Variants in IL16 observed in about 807,000 individuals in gnomAD.
IL16 encodes the protein interleukin 16.
A neutral mutation model predicts 110.1 loss-of-function variants in IL16; 67 were observed. That is an observed-to-expected ratio of 0.61 (90% CI 0.50 to 0.75). The LOEUF is 0.75. IL16 is among the 30% of genes least tolerant of loss of function. IL16 has a pLI of 0.00. For missense variants in IL16, 1,545 were observed against 1,655.0 expected (o/e 0.93, Z 1.15); for synonymous variants, 689 against 662.9 (o/e 1.04, Z -0.61).
At chr15:81,198,331 G>A (rs1895675112) in intron 1 of IL16, among the ~76,000 whole-genome samples, 1 of 152,036 alleles carries the variant, frequency 6.6e-6, no homozygotes, top group Non-Finnish European at 1.5e-5. Context: ...CGAGAGGTGA[G>A]GAGGCTTGCA....
rs1294611264 is a variant in IL16, at chr15:81,225,561, G to C, written c.162G>C (p.Glu54Asp). Residue 54 changes from glutamate (E) to aspartate (D), a missense_variant, in exon 2 of 19, where the codon GAG (glutamate) becomes GAC (aspartate). Coordinates refer to ENST00000683961, the MANE Select transcript of IL16 (RefSeq NM_172217.5). ...AGATTTCCTTGGCCCAGGGCAAGGA[G>C]GGAATTTTCCACTCATCTGTGCAGC... ...PFEISLAQGK[E>D]GIFHSSVQLA... The C allele has an allele frequency of 1.2e-6, 2 of 1,614,170 alleles. No homozygotes were observed. Among genetic ancestry groups the C allele is most frequent in the East Asian group, 4.5e-5 (2 of 44,884 alleles).
chr15:81,295,612 C>T (rs188360006), intron 12 of IL16: 7 of 738,940 alleles, frequency 9.5e-6, no homozygotes, highest in Non-Finnish European at 1.2e-5. Context: ...AATGCCATGA[C>T]TCAGCCTTAC....
intron 18 of IL16, 74 bp from the exon 19 acceptor site, chr15:81,308,531 G>C: frequency 9.1e-7 from 1 of 1,102,826 alleles, no homozygotes; most frequent in Non-Finnish European, 1.3e-6. Flanking sequence ...TGGCTCTTTG[G>C]AGATCAAGGA....
intron 1 of IL16, among the ~76,000 whole-genome samples, chr15:81,208,469 G>A (rs1309793518): frequency 6.6e-6 from 1 of 152,166 alleles, no homozygotes; most frequent in African/African-American, 2.4e-5. Context: ...TGGGATTACA[G>A]GTGCCCACCA....
chr15:81,218,466 G>T (rs775888290), intron 1 of IL16, among the ~76,000 whole-genome samples: 32 of 152,038 alleles, frequency 2.1e-4, no homozygotes, highest in Non-Finnish European at 1.9e-4. Flanking sequence ...ATTTCCACCA[G>T]ACATTTTAGA....
intron 12 of IL16, among the ~76,000 whole-genome samples, chr15:81,294,264 T>C (rs1000457842): frequency 6.6e-6 from 1 of 152,214 alleles, no homozygotes; most frequent in Non-Finnish European, 1.5e-5. Flanking sequence ...CAACACATGA[T>C]GGAGTTATCA....
chr15:81,273,329 G>T (rs1898734120), intron 6 of IL16, 125 bp downstream of exon 6: 3 of 610,086 alleles, frequency 4.9e-6, no homozygotes, highest in Non-Finnish European at 8.4e-6. Flanking sequence ...CGGCCAGCAT[G>T]CATCCTGGGG....
At chr15:81,282,416 C>T (rs148966540) in intron 8 of IL16, among the ~76,000 whole-genome samples, 1 of 152,216 alleles carries the variant, frequency 6.6e-6, no homozygotes, top group South Asian at 2.1e-4. Context: ...CCCTTCCTCC[C>T]TCCTTCGCTC....
chr15:81,306,731 C>A, intron 18 of IL16, 186 bp downstream of exon 18: 1 of 701,076 alleles, frequency 1.4e-6, no homozygotes, highest in Non-Finnish European at 2.5e-6. Flanking sequence ...CTCAGACATC[C>A]CCTCAATCCC....
At chr15:81,218,412 T>G (rs1304310283) in intron 1 of IL16, among the ~76,000 whole-genome samples, 1 of 152,184 alleles carries the variant, frequency 6.6e-6, no homozygotes, top group African/African-American at 2.4e-5. Context: ...TGGGAAGACT[T>G]TCTCCCCTAA....
rs113441243 is a variant in IL16, at chr15:81,207,652, G to A, written c.-102+10500G>A. Among the ~76,000 whole-genome samples the A allele has an allele frequency of 6.7e-3, 1,012 of 152,152 alleles. 8 individuals carry two copies. Among genetic ancestry groups the A allele is most frequent in the Admixed American group, 0.018 (273 of 15,280 alleles). ...TTTTGTTTCTACATTAATTTGCTTA[G>A]AATTATGTGTGGTCTCTAGCTCCAT... On this transcript the variant is annotated intron_variant, in intron 1 of 18. Coordinates refer to ENST00000683961, the MANE Select transcript of IL16 (RefSeq NM_172217.5).
At chr15:81,308,496 T>C (rs1900685473) in intron 18 of IL16, 109 bp from the exon 19 acceptor site, 1 of 759,388 alleles carries the variant, frequency 1.3e-6, no homozygotes, top group African/African-American at 1.8e-5. Flanking sequence ...CAAGGGATGG[T>C]GCCCTGTTCT....
At chr15:81,234,038 A>G (rs568134229) in intron 2 of IL16, among the ~76,000 whole-genome samples, 20 of 152,030 alleles carry the variant, frequency 1.3e-4, no homozygotes, top group Non-Finnish European at 2.7e-4. Context: ...TATTCTTTTG[A>G]CTAGTGCTGA....
chr15:81,224,904 C>T (rs1211017844), intron 1 of IL16, among the ~76,000 whole-genome samples: 1 of 152,176 alleles, frequency 6.6e-6, no homozygotes, highest in Non-Finnish European at 1.5e-5. Context: ...TCACTGCACA[C>T]TTTTGTTTAA....
intron 12 of IL16, among the ~76,000 whole-genome samples, chr15:81,296,588 C>T (rs1899995221): frequency 6.6e-6 from 1 of 152,148 alleles, no homozygotes; most frequent in Non-Finnish European, 1.5e-5. Context: ...GTGGGTAGTT[C>T]ACCAGATGCA....
chr15:81,227,729 T>A (rs951033527), intron 2 of IL16, among the ~76,000 whole-genome samples: 1 of 152,016 alleles, frequency 6.6e-6, no homozygotes, highest in African/African-American at 2.4e-5. Flanking sequence ...GAGTGGAGAA[T>A]GGAGTGTAGG....
intron 1 of IL16, among the ~76,000 whole-genome samples, chr15:81,221,696 C>A (rs1440483743): frequency 6.6e-6 from 1 of 150,426 alleles, no homozygotes. Flanking sequence ...AAAAAAAAAT[C>A]CATAATGACA....
chr15:81,297,422 C>T (rs1900044227), intron 13 of IL16, among the ~76,000 whole-genome samples: 1 of 152,154 alleles, frequency 6.6e-6, no homozygotes, highest in Non-Finnish European at 1.5e-5. Flanking sequence ...ATTCCAGTTG[C>T]AACAGTCCTG....
At chr15:81,262,518 TCTAGCA>T (rs1898197554) in intron 3 of IL16, among the ~76,000 whole-genome samples, 1 of 152,168 alleles carries the variant, frequency 6.6e-6, no homozygotes, top group South Asian at 2.1e-4. Context: ...AGAGAATTAT[TCTAGCA>T]TCACTTATTT....
Sources: allele counts gnomAD v4.1 joint callset (sites outside exome capture counted in the v4.1 genomes callset), GRCh38; gene constraint gnomAD v4.1.1; transcripts MANE v1.5; gene names NCBI Gene and HGNC (gene_info 2026-07-23, HGNC 2026-07-21).